TEX11: variants seen among roughly 807,000 people sequenced by gnomAD.
TEX11 encodes the protein testis expressed 11.
A neutral mutation model predicts 84.4 loss-of-function variants in TEX11; 7 were observed. That is an observed-to-expected ratio of 0.08 (90% CI 0.05 to 0.16). The LOEUF (loss-of-function observed/expected upper bound fraction) is 0.16, where lower values mean the gene tolerates loss of function less well. Among genes scored for constraint, TEX11 ranks in the 10% least tolerant of loss-of-function variants. The pLI is 1.00. For synonymous variants in TEX11, 264 were observed against 222.8 expected (o/e 1.18, Z -1.64); for missense variants, 551 against 660.5 (o/e 0.83, Z 1.82).
Position 70,833,313 on chromosome X carries a change from A to AG in TEX11, c.606+199_606+200insC, listed in dbSNP as rs58236706. The stretch of plus-strand genomic sequence containing the variant: ...AGAAAAGAAAAGAAAAGAAAAGAAA[A>AG]AAAAGAAATATTCCATATAGCTTTT... On this transcript the variant is annotated intron_variant, in intron 8 of 29. Transcript: ENST00000374333. Among the ~76,000 whole-genome samples the AG allele has an allele frequency of 9.4e-5, 10 of 106,239 alleles. 1 individual carries two copies. Among genetic ancestry groups the AG allele is most frequent in the African/African-American group, 3.5e-4 (10 of 28,195 alleles). The allele number at this position is 106,239 out of a possible 115,157, so 92.3% of individuals were successfully genotyped here.
At chrX:70,755,141 C>A (rs943248240) in intron 9 of TEX11, among the ~76,000 whole-genome samples, 1 of 112,137 alleles carries the variant, frequency 8.9e-6, no homozygotes, top group Admixed American at 9.5e-5. Flanking sequence ...CACCAGAAAC[C>A]AATCCTGGAG....
At chrX:70,776,779 A>G (rs2091004678) in intron 9 of TEX11, among the ~76,000 whole-genome samples, 2 of 110,296 alleles carry the variant, frequency 1.8e-5, no homozygotes, top group East Asian at 2.8e-4. Context: ...GAGAGGGGAG[A>G]AAAGGGGAGG....
chrX:70,713,185 C>T (rs1390769479), intron 13 of TEX11, among the ~76,000 whole-genome samples: 1 of 111,531 alleles, frequency 9.0e-6, no homozygotes, highest in Admixed American at 9.5e-5. Context: ...CTGCTGGATT[C>T]GGTTTGCCAG....
chrX:70,752,395 C>G (rs1276560731), intron 9 of TEX11, among the ~76,000 whole-genome samples: 1 of 108,352 alleles, frequency 9.2e-6, no homozygotes, highest in African/African-American at 3.4e-5. Context: ...CGTGGTGGCA[C>G]AGGCCTGTAA....
chrX:70,679,996 G>A (rs1047755688), intron 14 of TEX11, among the ~76,000 whole-genome samples: 1 of 91,814 alleles, frequency 1.1e-5, no homozygotes, highest in East Asian at 3.6e-4. Context: ...CGCCCCGTCC[G>A]GGAGGTGAGG....
intron 9 of TEX11, among the ~76,000 whole-genome samples, chrX:70,772,220 T>C (rs151127528): frequency 0.015 from 1,682 of 111,161 alleles, 14 homozygotes; most frequent in Non-Finnish European, 0.025. Context: ...AGTCTGTAAA[T>C]ATTGAAAAAG....
At chrX:70,581,460 G>A (rs1002383190) in intron 25 of TEX11, among the ~76,000 whole-genome samples, 14 of 109,161 alleles carry the variant, frequency 1.3e-4, no homozygotes, top group African/African-American at 3.3e-5. Flanking sequence ...CACCACACCC[G>A]GCTAATTTTT....
chrX:70,654,716 A>AG (rs1378687784), intron 16 of TEX11, among the ~76,000 whole-genome samples: 2 of 106,732 alleles, frequency 1.9e-5, no homozygotes, highest in African/African-American at 6.8e-5. Flanking sequence ...TCTCAAAAAA[A>AG]AAAAAAAAAA....
intron 16 of TEX11, among the ~76,000 whole-genome samples, chrX:70,668,270 A>C (rs2068243759): frequency 8.9e-6 from 1 of 112,618 alleles, no homozygotes; most frequent in African/African-American, 3.2e-5. Flanking sequence ...AAACCCAATA[A>C]ACATGGTTTC....
chrX:70,794,936 C>T (rs1468355966), intron 9 of TEX11, among the ~76,000 whole-genome samples: 4 of 106,661 alleles, frequency 3.8e-5, no homozygotes, highest in Non-Finnish European at 5.8e-5. Context: ...TCTCCTTCTG[C>T]TTGACAAAAA....
chrX:70,659,823 A>G (rs1305193244), intron 16 of TEX11, among the ~76,000 whole-genome samples: 2 of 112,550 alleles, frequency 1.8e-5, no homozygotes, highest in African/African-American at 6.4e-5. Context: ...CAATGAATAG[A>G]TGAAAGGATA....
At chrX:70,747,015 C>A (rs1602092833) in intron 9 of TEX11, among the ~76,000 whole-genome samples, 1 of 112,180 alleles carries the variant, frequency 8.9e-6, no homozygotes, top group Non-Finnish European at 1.9e-5. Flanking sequence ...CAAACACCAA[C>A]TGAAAGGTAA....
At chrX:70,628,842 A>G (rs1160566585) in intron 18 of TEX11, among the ~76,000 whole-genome samples, 1 of 112,575 alleles carries the variant, frequency 8.9e-6, no homozygotes, top group East Asian at 2.7e-4. Flanking sequence ...AGGAAGGTTT[A>G]TAAATGTACA....
intron 12 of TEX11, among the ~76,000 whole-genome samples, chrX:70,725,050 T>TA (rs368229491): frequency 1.6e-3 from 163 of 105,102 alleles, no homozygotes; most frequent in African/African-American, 2.5e-3. Flanking sequence ...CAGCTTTTTT[T>TA]AAAAAAAAAA....
At chrX:70,645,860 G>T (rs1408658191) in intron 17 of TEX11, among the ~76,000 whole-genome samples, 1 of 110,633 alleles carries the variant, frequency 9.0e-6, no homozygotes, top group Non-Finnish European at 1.9e-5. Context: ...GCAATCTACA[G>T]ATGCAATGCA....
At chrX:70,813,730 T>C (rs1323858319) in intron 8 of TEX11, among the ~76,000 whole-genome samples, 1 of 111,978 alleles carries the variant, frequency 8.9e-6, no homozygotes, top group Non-Finnish European at 1.9e-5. Context: ...CTCCTTAAGC[T>C]GATAAGCAAC....
At chrX:70,601,508 A>T (rs1202514398) in intron 24 of TEX11, among the ~76,000 whole-genome samples, 3 of 97,897 alleles carry the variant, frequency 3.1e-5, no homozygotes, top group Non-Finnish European at 6.1e-5. Context: ...ATCCTCCCTA[A>T]CTCATTTTAT....
intron 13 of TEX11, among the ~76,000 whole-genome samples, chrX:70,691,541 C>T (rs1447726176): frequency 9.0e-6 from 1 of 111,141 alleles, no homozygotes; most frequent in Non-Finnish European, 1.9e-5. Flanking sequence ...GGACACTATG[C>T]TAAGTGAAAT....
intron 13 of TEX11, among the ~76,000 whole-genome samples, chrX:70,711,600 T>G (rs1186630978): frequency 8.9e-6 from 1 of 112,345 alleles, no homozygotes; most frequent in Non-Finnish European, 1.9e-5. Flanking sequence ...TTGAGAAGTG[T>G]CCATTCATAT....
Sources: gnomAD v4.1 joint callset for allele counts (sites outside exome capture counted in the v4.1 genomes callset) on GRCh38, gnomAD v4.1.1 for gene constraint, MANE v1.5 for transcripts, NCBI Gene and HGNC (gene_info 2026-07-23, HGNC 2026-07-21) for gene names.